NKD2: variants seen among roughly 807,000 people sequenced by gnomAD.
The protein encoded by NKD2 is protein naked cuticle homolog 2.
In NKD2, 43 loss-of-function variants were observed where a neutral mutation model predicts 34.8. The ratio of observed to expected loss-of-function variants is 1.24; its 90% confidence interval spans 0.97 to 1.60. The LOEUF is 1.60. Among genes scored for constraint, NKD2 ranks in the 40% most tolerant of loss-of-function variants. The pLI is 0.00. For synonymous variants in NKD2, 278 were observed against 265.1 expected (o/e 1.05, Z -0.47); for missense variants, 675 against 627.1 (o/e 1.08, Z -0.82).
intron 3 of NKD2, among the ~76,000 whole-genome samples, chr5:1,011,028 C>T (rs532687154): frequency 4.7e-4 from 71 of 152,270 alleles, no homozygotes; most frequent in African/African-American, 1.6e-3. Flanking sequence ...AGCGTGAGGG[C>T]TGCTCGTGGG....
In NKD2 at chr5:1,034,416, G is replaced by T. The variant is rs1041817849; in HGVS notation, c.426+86G>T. The T allele has an allele frequency of 3.5e-6, 4 of 1,130,718 alleles. No homozygotes were observed. The African/African-American group carries it at 6.1e-5, about 17-fold the overall frequency. The allele number at this position is 1,130,718 out of a possible 1,614,324, so 70.0% of individuals were successfully genotyped here. Reference sequence around the variant, plus strand: ...TGCTGGCCTCGCGATACCTCAGGGGGCAGGAGGGGACCTGCCTGCTGCGAG... The same window carrying T: ...TGCTGGCCTCGCGATACCTCAGGGGTCAGGAGGGGACCTGCCTGCTGCGAG... On this transcript the variant is annotated intron_variant, in intron 6 of 9. Coordinates refer to ENST00000296849, the MANE Select transcript of NKD2 (RefSeq NM_033120.4).
chr5:1,009,462 G>T lies in NKD2; in HGVS notation c.62-19G>T. 1.3e-6 allele frequency: 2 copies of T among 1,490,826 alleles called. No homozygotes were observed. The highest frequency in any genetic ancestry group is 1.8e-6 in the Non-Finnish European group (2 of 1,127,306). 92.3% of individuals were successfully genotyped at this position (1,490,826 alleles called of 1,614,324 possible). On this transcript the variant is annotated intron_variant, in intron 2 of 9. Coordinates refer to ENST00000296849, the MANE Select transcript of NKD2 (RefSeq NM_033120.4). This position sits in a 1 kb window ranked among gnomAD's most constrained non-coding sequence, Gnocchi z 6.9. The stretch of plus-strand genomic sequence containing the variant: ...CCTCCTCGGTGCGGGTTTCCCGCGC[G>T]TCCGCCCCCGGACCGCAGGGGACAG...
intron 3 of NKD2, among the ~76,000 whole-genome samples, chr5:1,028,338 C>T (rs557465282): frequency 1.4e-4 from 21 of 152,330 alleles, no homozygotes; most frequent in African/African-American, 4.6e-4. Flanking sequence ...TGACAGACGC[C>T]TGCTGCTCAT....
At chr5:1,034,629 C>G (rs1387729536) in intron 6 of NKD2, 127 bp from the exon 7 acceptor site, 2 of 1,048,076 alleles carry the variant, frequency 1.9e-6, no homozygotes, top group East Asian at 4.9e-5. Context: ...GTGTTGGTTC[C>G]TGTGGTCTGT....
chr5:1,038,314 C>G lies in NKD2; in HGVS notation c.1297C>G (p.His433Asp), dbSNP rs767658552. ...YAVPVIQRHE[H>D]HHHHEHHHHH... is the part of the protein sequence containing the mutation. Reference sequence around the variant, plus strand: ...GGTGCCAGTGATCCAGCGGCACGAGCACCACCACCACCACGAGCACCACCA... The same window carrying G: ...GGTGCCAGTGATCCAGCGGCACGAGGACCACCACCACCACGAGCACCACCA... The change falls in exon 10 of 10, where the codon CAC becomes GAC. Residue 433 changes from histidine to aspartate, a missense_variant. His to Asp is a moderately conservative substitution (Grantham distance 81). Coordinates refer to ENST00000296849, the MANE Select transcript of NKD2 (RefSeq NM_033120.4). The surrounding 1 kb of genome is among the most constrained non-coding windows in gnomAD (Gnocchi z 4.5). 2.0e-6 allele frequency: 3 copies of G among 1,530,412 alleles called. No individual in the cohort carries two copies. Among genetic ancestry groups the G allele is most frequent in the Non-Finnish European group, 1.7e-6 (2 of 1,143,370 alleles). The allele number at this position is 1,530,412 out of a possible 1,614,324, so 94.8% of individuals were successfully genotyped here. A position where few individuals can be genotyped will look rare whatever the true frequency, so the allele number is the denominator to read the frequency against.
intron 3 of NKD2, among the ~76,000 whole-genome samples, chr5:1,011,607 C>T (rs139756474): frequency 1.3e-5 from 2 of 152,322 alleles, no homozygotes; most frequent in Non-Finnish European, 2.9e-5. Context: ...CTCCTGGTTC[C>T]GTGCGAGGCA....
chr5:1,036,450 C>A, intron 9 of NKD2, 66 bp downstream of exon 9: 1 of 1,422,142 alleles, frequency 7.0e-7, no homozygotes. Flanking sequence ...GGTCTTGATT[C>A]CCACAGCCCT....
chr5:1,038,831 G>T lies in NKD2; in HGVS notation c.*458G>T. The T allele has an allele frequency of 3.1e-6, 1 of 326,660 alleles. No homozygotes were observed. Among genetic ancestry groups the T allele is most frequent in the Non-Finnish European group, 5.9e-6 (1 of 169,636 alleles). The allele number at this position is 326,660 out of a possible 1,614,324, so 20.2% of individuals were successfully genotyped here. A position where few individuals can be genotyped will look rare whatever the true frequency, so the allele number is the denominator to read the frequency against. The stretch of plus-strand genomic sequence containing the variant: ...CTTTGCCTGGCTTGTGCATCATGAA[G>T]TGAGAGGGGACAGGGCCGGTGGGGG... On this transcript the variant is annotated 3_prime_UTR_variant, in exon 10 of 10. Coordinates refer to ENST00000296849, the MANE Select transcript of NKD2 (RefSeq NM_033120.4). The surrounding 1 kb of genome is among the most constrained non-coding windows in gnomAD (Gnocchi z 4.5).
intron 3 of NKD2, among the ~76,000 whole-genome samples, chr5:1,010,539 T>TA (rs1355674214): frequency 2.6e-5 from 4 of 152,086 alleles, no homozygotes; most frequent in Non-Finnish European, 5.9e-5. Flanking sequence ...TAACATGCAA[T>TA]AGAGTTAGGA....
At chr5:1,026,530 GTGTCCCAGCC>G (rs1756412331) in intron 3 of NKD2, among the ~76,000 whole-genome samples, 1 of 62,692 alleles carries the variant, frequency 1.6e-5, no homozygotes, top group African/African-American at 4.0e-5. Flanking sequence ...CCCGCTGTGG[GTGTCCCAGCC>G]CATTGTCCCT....
intron 9 of NKD2, chr5:1,037,522 T>A: frequency 2.0e-6 from 3 of 1,535,674 alleles, no homozygotes; most frequent in Non-Finnish European, 2.6e-6. Flanking sequence ...CCAAGCAGGG[T>A]CTCAGCTGTG....
intron 3 of NKD2, among the ~76,000 whole-genome samples, chr5:1,026,828 C>G (rs1306858725): frequency 6.6e-6 from 1 of 152,252 alleles, no homozygotes; most frequent in Non-Finnish European, 1.5e-5. Context: ...CAGCCGCATC[C>G]CAGGTGCCTC....
At chr5:1,036,481 T>G (rs1733939956) in intron 9 of NKD2, 97 bp downstream of exon 9, 28 of 825,156 alleles carry the variant, frequency 3.4e-5, no homozygotes, top group Non-Finnish European at 3.5e-5. Context: ...GGCCCCTCCC[T>G]GCCCTGCCCC....
intron 3 of NKD2, among the ~76,000 whole-genome samples, chr5:1,029,366 C>G (rs1283557852): frequency 1.3e-5 from 2 of 152,096 alleles, no homozygotes; most frequent in African/African-American, 4.8e-5. Context: ...GCAGCGTTGG[C>G]TACATGGTGT....
chr5:1,034,415 G>T, intron 6 of NKD2, 85 bp downstream of exon 6: 1 of 1,131,404 alleles, frequency 8.8e-7, no homozygotes, highest in South Asian at 1.3e-5. Context: ...TACCTCAGGG[G>T]GCAGGAGGGG....
intron 3 of NKD2, among the ~76,000 whole-genome samples, chr5:1,010,445 A>T (rs2150722843): frequency 6.6e-6 from 1 of 152,296 alleles, no homozygotes; most frequent in African/African-American, 2.4e-5. Context: ...TTGTTCTGGC[A>T]GTTGATTAAA....
At chr5:1,017,805 A>G (rs1756018098) in intron 3 of NKD2, among the ~76,000 whole-genome samples, 4 of 151,132 alleles carry the variant, frequency 2.6e-5, no homozygotes. Context: ...GCATGGGTGC[A>G]GGCCTGTGGT....
Position 1,035,377 on chromosome 5 carries a change from C to A in NKD2, c.575-12C>A, listed in dbSNP as rs919723159. 1 of 1,549,422 alleles carries A rather than the reference C, an allele frequency of 6.5e-7. No homozygotes were observed. The highest frequency in any genetic ancestry group is 2.4e-5 in the East Asian group (1 of 41,178). ...AGGGAGGGAGTGAGTAATGGCAGGACCCCCCTTTCAGACCGGGAGCCCACC... is the reference window on the plus strand; with the variant it reads ...AGGGAGGGAGTGAGTAATGGCAGGAACCCCCTTTCAGACCGGGAGCCCACC... On this transcript the variant is annotated splice_polypyrimidine_tract_variant and intron_variant, in intron 7 of 9. Coordinates refer to ENST00000296849, the MANE Select transcript of NKD2 (RefSeq NM_033120.4).
intron 3 of NKD2, among the ~76,000 whole-genome samples, chr5:1,030,632 C>T (rs1045833418): frequency 2.0e-5 from 3 of 152,254 alleles, no homozygotes; most frequent in Non-Finnish European, 4.4e-5. Context: ...TTTTCCCTCA[C>T]AGCGGTGCCT....
Sources: allele counts gnomAD v4.1 joint callset (sites outside exome capture counted in the v4.1 genomes callset), GRCh38; gene constraint gnomAD v4.1.1; non-coding constraint Gnocchi (gnomAD v3.1); transcripts MANE v1.5; gene names NCBI Gene and HGNC (gene_info 2026-07-23, HGNC 2026-07-21).